PCDHGB5: variants seen among roughly 807,000 people sequenced by gnomAD.
PCDHGB5 encodes protocadherin gamma-B5.
In PCDHGB5, 48 loss-of-function variants were observed where a neutral mutation model predicts 62.9. That is an observed-to-expected ratio of 0.76 (90% confidence interval 0.61 to 0.97). The LOEUF (loss-of-function observed/expected upper bound fraction) is 0.97, where lower values mean the gene tolerates loss of function less well. Ranked by LOEUF, PCDHGB5 falls within the 50% of genes least tolerant of loss-of-function variation. The pLI is 0.00. For synonymous variants in PCDHGB5, 474 were observed against 511.2 expected (o/e 0.93, Z 0.98); for missense variants, 1,118 against 1,198.6 (o/e 0.93, Z 0.99).
chr5:141,409,502 T>C, intron 1 of PCDHGB5: 2 of 1,613,986 alleles, frequency 1.2e-6, no homozygotes, highest in South Asian at 1.1e-5. Flanking sequence ...GCCTCTTTCT[T>C]CCAGTAGAAG....
intron 1 of PCDHGB5, chr5:141,419,658 A>C: frequency 1.9e-6 from 3 of 1,612,782 alleles, no homozygotes; most frequent in Non-Finnish European, 2.5e-6. Context: ...GACTCGGGGC[A>C]CAATGCCTGG....
At chr5:141,422,965 C>T (rs2096693602) in intron 1 of PCDHGB5, 2 of 1,614,116 alleles carry the variant, frequency 1.2e-6, no homozygotes, top group African/African-American at 2.7e-5. Context: ...GGAGCTGGCG[C>T]CCCGCTCTGC....
intron 1 of PCDHGB5, chr5:141,423,903 AG>A: frequency 7.8e-7 from 1 of 1,276,130 alleles, no homozygotes. Context: ...TTGATTTCAA[AG>A]GGGCCATTCA....
At position 141,486,478 on chromosome 5, in the gene PCDHGB5, C is replaced by T; in HGVS notation, c.2398-8329C>T. The T allele has an allele frequency of 2.5e-6, 4 of 1,614,026 alleles. No homozygotes were observed. The highest frequency in any genetic ancestry group is 3.4e-6 in the Non-Finnish European group (4 of 1,179,854). On this transcript the variant is annotated intron_variant, in intron 1 of 3. Transcript: ENST00000617380. The surrounding 1 kb of genome is among the most constrained non-coding windows in gnomAD (Gnocchi z 5.0). ...CTTCTGATGCTGGGAACCCTCCTCT[C>T]AGTACCCACAGAACTATTTTCCTCA...
chr5:141,430,315 T>C (rs185896854), intron 1 of PCDHGB5, among the ~76,000 whole-genome samples: 58 of 151,980 alleles, frequency 3.8e-4, no homozygotes, highest in African/African-American at 1.3e-3. Context: ...CATTATAAGA[T>C]TAAAATCATT....
rs372096658 is a variant in PCDHGB5, at chr5:141,405,073, C to T, written c.2397+4549C>T. On this transcript the variant is annotated intron_variant, in intron 1 of 3. Coordinates refer to ENST00000617380, the MANE Select transcript of PCDHGB5 (RefSeq NM_018925.3). The stretch of plus-strand genomic sequence containing the variant: ...TCGTCTCCTGTGTCTTCCTCACCTT[C>T]GTTATCACGCTGCTGGCCCTCAGGC... The T allele has an allele frequency of 1.1e-5, 17 of 1,613,880 alleles. No individual in the cohort carries two copies. In the East Asian group the frequency reaches 1.3e-4, roughly 13 times the overall value.
At chr5:141,445,732 A>G (rs2098475548) in intron 1 of PCDHGB5, among the ~76,000 whole-genome samples, 1 of 152,230 alleles carries the variant, frequency 6.6e-6, no homozygotes, top group African/African-American at 2.4e-5. Context: ...ATGTGTAAAG[A>G]TCTTTTTAAA....
chr5:141,466,197 G>A (rs2099118639), intron 1 of PCDHGB5, among the ~76,000 whole-genome samples: 1 of 151,666 alleles, frequency 6.6e-6, no homozygotes, highest in South Asian at 2.1e-4. Flanking sequence ...TTCAGACACA[G>A]CCTTGCTCTG....
Position 141,511,035 on chromosome 5 carries a change from C to A in PCDHGB5, c.2634C>A (p.His878Gln). Residue 878 changes from histidine to glutamine, a missense_variant, in exon 4 of 4, where the codon CAC becomes CAA. Physicochemically the swap from His to Gln is conservative, Grantham distance 24 (BLOSUM62 0). Transcript: ENST00000617380. The stretch of plus-strand genomic sequence containing the variant: ...ACGGACCCCAGTTCACCCTGCAGCA[C>A]GTGCCCGACTACCGCCAGAATGTCT... ...ARYGPQFTLQ[H>Q]VPDYRQNVYI... 2 of 1,614,208 alleles carry A rather than the reference C, an allele frequency of 1.2e-6. No individual in the cohort carries two copies. The highest frequency in any genetic ancestry group is 1.1e-5 in the South Asian group (1 of 91,088).
At chr5:141,433,070 CCCCAG>C in intron 1 of PCDHGB5, 1 of 1,614,174 alleles carries the variant, frequency 6.2e-7, no homozygotes, top group Non-Finnish European at 8.5e-7. Context: ...CCTGATCTTC[CCCCAG>C]CCCAACTATG....
In PCDHGB5 at chr5:141,459,764, A is replaced by G. The variant is rs980972909; in HGVS notation, c.2398-35043A>G. On this transcript the variant is annotated intron_variant, in intron 1 of 3. Transcript: ENST00000617380. ...TTTTAGCAATTCTAGTGGGTGTGTG[A>G]TACTATCTCATTGAAGTTTCAACTG... Among the ~76,000 whole-genome samples, 56 of 152,208 alleles carry G rather than the reference A, an allele frequency of 3.7e-4. 1 individual carries two copies. Among genetic ancestry groups the G allele is most frequent in the Admixed American group, 6.5e-5 (1 of 15,274 alleles).
chr5:141,485,814 CT>C lies in PCDHGB5; in HGVS notation c.2398-8992del, dbSNP rs2099619658. On this transcript the variant is annotated intron_variant, in intron 1 of 3. Transcript: ENST00000617380. The surrounding 1 kb of genome is among the most constrained non-coding windows in gnomAD (Gnocchi z 5.7). ...TCGGACTACCGCCTGGTGCTGACTGCTGTCGATGGAGGGAACCCGCCGAGAT... is the reference window on the plus strand; with the variant it reads ...TCGGACTACCGCCTGGTGCTGACTGCGTCGATGGAGGGAACCCGCCGAGAT... The C allele has an allele frequency of 6.2e-7, 1 of 1,613,864 alleles. No individual in the cohort carries two copies. Among genetic ancestry groups the C allele is most frequent in the Non-Finnish European group, 8.5e-7 (1 of 1,179,990 alleles).
chr5:141,449,588 CAAAAAAAAAAA>C (rs768743917), intron 1 of PCDHGB5, among the ~76,000 whole-genome samples: 1 of 57,492 alleles, frequency 1.7e-5, no homozygotes, highest in Non-Finnish European at 3.7e-5. Flanking sequence ...GACTCTGTCT[CAAAAAAAAAAA>C]AAAAAAAAGT....
At chr5:141,407,347 TG>T (rs1273387665) in intron 1 of PCDHGB5, among the ~76,000 whole-genome samples, 1 of 152,176 alleles carries the variant, frequency 6.6e-6, no homozygotes, top group Non-Finnish European at 1.5e-5. Flanking sequence ...TATGTTAATT[TG>T]GGGAAAACAT....
intron 1 of PCDHGB5, chr5:141,408,244 G>A (rs746604555): frequency 6.3e-7 from 1 of 1,585,990 alleles, no homozygotes; most frequent in Non-Finnish European, 8.6e-7. Context: ...CCGGCCCGCG[G>A]CAGGTGCTAT....
chr5:141,470,242 T>G (rs1301513342), intron 1 of PCDHGB5, among the ~76,000 whole-genome samples: 1 of 152,226 alleles, frequency 6.6e-6, no homozygotes, highest in African/African-American at 2.4e-5. Flanking sequence ...CCCTTGAATG[T>G]CCCACCTGTC....
In PCDHGB5 at chr5:141,481,399, T is replaced by G. The variant is rs35677249; in HGVS notation, c.2398-13408T>G. 1.9e-3 allele frequency among the ~76,000 whole-genome samples: 284 copies of G among 152,356 alleles called. 1 individual carries two copies. Among genetic ancestry groups the G allele is most frequent in the Middle Eastern group, 0.01 (3 of 294 alleles). ...TTCTTTTTGGAGGGATGTGACAAAA[T>G]TCTTGTATAATTAGATTGTGATGAT... is the stretch of plus-strand genomic sequence containing the variant. On this transcript the variant is annotated intron_variant, in intron 1 of 3. Transcript: ENST00000617380.
In PCDHGB5 at chr5:141,408,459, T is replaced by A; in HGVS notation, c.2397+7935T>A. 5 of 1,613,950 alleles carry A rather than the reference T, an allele frequency of 3.1e-6. No homozygotes were observed. The East Asian group carries it at 1.1e-4, about 36-fold the overall frequency. Reference sequence around the variant, plus strand: ...GACGCGGAGAGCGGGGACTTACTTGTGAAGAACCGAATAGACCGTGAGCAA... The same window carrying A: ...GACGCGGAGAGCGGGGACTTACTTGAGAAGAACCGAATAGACCGTGAGCAA... On this transcript the variant is annotated intron_variant, in intron 1 of 3. Transcript: ENST00000617380.
At position 141,477,961 on chromosome 5, in the gene PCDHGB5, C is replaced by G. The variant is rs199947431; in HGVS notation, c.2398-16846C>G. On this transcript the variant is annotated intron_variant, in intron 1 of 3. Transcript: ENST00000617380. The surrounding 1 kb of genome is among the most constrained non-coding windows in gnomAD (Gnocchi z 4.9). ...CCTACAGTCTCTTGGGATCCCCTAA[C>G]CAGAGCCTTTTTGCCATAGGGCTGC... 10 of 1,614,166 alleles carry G rather than the reference C, an allele frequency of 6.2e-6. No individual in the cohort carries two copies. Among genetic ancestry groups the G allele is most frequent in the Middle Eastern group, 3.3e-4 (2 of 6,062 alleles).
Sources: allele counts gnomAD v4.1 joint callset (sites outside exome capture counted in the v4.1 genomes callset), GRCh38; gene constraint gnomAD v4.1.1; non-coding constraint Gnocchi (gnomAD v3.1); transcripts MANE v1.5; gene names NCBI Gene and HGNC (gene_info 2026-07-23, HGNC 2026-07-21).